Variants in TOM1 observed in about 807,000 individuals in gnomAD.
TOM1 encodes the protein target of Myb protein 1.
In TOM1, 38 loss-of-function variants were observed where a neutral mutation model predicts 61.3. The observed-to-expected ratio is 0.62, with a 90% CI of 0.48 to 0.81. TOM1 has a LOEUF of 0.81. Ranked by LOEUF, TOM1 falls within the 40% of genes least tolerant of loss-of-function variation. The probability of loss-of-function intolerance (pLI) is 0.00; values close to 1 mark genes in which losing one functional copy is unlikely to be tolerated. For synonymous variants in TOM1, 270 were observed against 268.8 expected (o/e 1.00, Z -0.04); for missense variants, 591 against 659.6 (o/e 0.90, Z 1.14).
intron 12 of TOM1, among the ~76,000 whole-genome samples, chr22:35,342,389 A>G (rs1929947528): frequency 6.6e-6 from 1 of 151,818 alleles, no homozygotes; most frequent in South Asian, 2.1e-4. Flanking sequence ...GTCTCCCTCC[A>G]CTCTGGGGCC....
intron 12 of TOM1, among the ~76,000 whole-genome samples, chr22:35,343,188 T>TA (rs1930072193): frequency 1.7e-5 from 1 of 57,494 alleles, no homozygotes; most frequent in Admixed American, 2.3e-4. Flanking sequence ...ACACCACACC[T>TA]CCACTCATAC....
intron 3 of TOM1, 146 bp downstream of exon 3, chr22:35,322,183 A>G (rs1927853671): frequency 1.5e-6 from 1 of 669,802 alleles, no homozygotes; most frequent in South Asian, 1.9e-5. Context: ...TCCTGTCTAC[A>G]CTGCAGGCGG....
At chr22:35,343,259 A>ACACAC (rs1930090430) in intron 12 of TOM1, among the ~76,000 whole-genome samples, 1 of 130,796 alleles carries the variant, frequency 7.6e-6, no homozygotes, top group African/African-American at 3.0e-5. Context: ...ACACACCTCC[A>ACACAC]CACACCTCCA....
intron 2 of TOM1, 141 bp from the exon 3 acceptor site, chr22:35,321,818 G>A (rs1218241196): frequency 6.3e-6 from 5 of 797,512 alleles, no homozygotes; most frequent in Non-Finnish European, 1.1e-5. Context: ...ATTCTGATGT[G>A]ATCAGAACCT....
chr22:35,305,059 C>A (rs929753551), intron 1 of TOM1, among the ~76,000 whole-genome samples: 2 of 152,310 alleles, frequency 1.3e-5, no homozygotes, highest in South Asian at 2.1e-4. Context: ...AAAAGCCAAG[C>A]CGGGGGAGCC....
intron 11 of TOM1, among the ~76,000 whole-genome samples, chr22:35,337,087 C>T (rs931998297): frequency 6.6e-5 from 10 of 152,126 alleles, no homozygotes; most frequent in East Asian, 3.9e-4. Flanking sequence ...CAGGCGCCCA[C>T]CACCACACCT....
intron 13 of TOM1, 76 bp from the exon 14 acceptor site, chr22:35,346,854 C>A: frequency 7.1e-7 from 1 of 1,411,782 alleles, no homozygotes; most frequent in Non-Finnish European, 9.9e-7. Context: ...GGGGCCCGAG[C>A]TGCAGCACCA....
chr22:35,311,628 C>T (rs1200507673), intron 1 of TOM1, among the ~76,000 whole-genome samples: 1 of 152,166 alleles, frequency 6.6e-6, no homozygotes, highest in African/African-American at 2.4e-5. Flanking sequence ...GAAGGTGGGC[C>T]CCAGAAGGTC....
chr22:35,333,360 G>A, intron 9 of TOM1, 44 bp from the exon 10 acceptor site: 9 of 1,571,684 alleles, frequency 5.7e-6, no homozygotes, highest in Non-Finnish European at 7.9e-6. Context: ...AAGGAACGAA[G>A]CTGCAGACAG....
intron 1 of TOM1, 69 bp from the exon 2 acceptor site, chr22:35,317,808 C>G: frequency 8.2e-7 from 1 of 1,222,556 alleles, no homozygotes. Context: ...CCCCTCCTCT[C>G]CCACCCACGG....
At chr22:35,331,511 C>T in intron 8 of TOM1, 1 of 324,998 alleles carries the variant, frequency 3.1e-6, no homozygotes, top group South Asian at 2.4e-5. Context: ...GGAGAGGGCC[C>T]TTTGATGGCA....
Position 35,347,038 on chromosome 22 carries a change from C to G in TOM1, c.1325-17C>G, listed in dbSNP as rs746242930. On this transcript the variant is annotated splice_polypyrimidine_tract_variant and intron_variant, in intron 14 of 14. Coordinates refer to ENST00000449058, the MANE Select transcript of TOM1 (RefSeq NM_005488.3). ...TCTGGCCTCAGGGCCTACCCTCACC[C>G]TCTCCCCTTCCTCTAGAATTTGACA... The G allele has an allele frequency of 3.1e-6, 5 of 1,610,650 alleles. No homozygotes were observed. The highest frequency in any genetic ancestry group is 4.2e-6 in the Non-Finnish European group (5 of 1,178,116).
At chr22:35,312,811 C>T (rs1327303941) in intron 1 of TOM1, among the ~76,000 whole-genome samples, 2 of 152,170 alleles carry the variant, frequency 1.3e-5, no homozygotes, top group South Asian at 2.1e-4. Flanking sequence ...CTGTGGCTGA[C>T]GCCAGCCCCT....
chr22:35,333,793 T>TAAAA (rs1929044744), intron 10 of TOM1, among the ~76,000 whole-genome samples: 1 of 152,140 alleles, frequency 6.6e-6, no homozygotes, highest in Non-Finnish European at 1.5e-5. Context: ...GCAAGTTCCT[T>TAAAA]AAACCTCCTG....
intron 9 of TOM1, 35 bp from the exon 10 acceptor site, chr22:35,333,369 A>G: frequency 1.9e-6 from 3 of 1,593,736 alleles, no homozygotes; most frequent in Non-Finnish European, 2.6e-6. Context: ...AGCTGCAGAC[A>G]GCGGGGATGA....
chr22:35,309,407 G>A (rs1484645203), intron 1 of TOM1, among the ~76,000 whole-genome samples: 4 of 152,156 alleles, frequency 2.6e-5, no homozygotes, highest in Non-Finnish European at 5.9e-5. Context: ...ACTTTGGGAG[G>A]CCAAGACAGG....
At chr22:35,326,978 T>C (rs1256843903) in intron 6 of TOM1, among the ~76,000 whole-genome samples, 1 of 152,198 alleles carries the variant, frequency 6.6e-6, no homozygotes, top group African/African-American at 2.4e-5. Flanking sequence ...TGTTAGCTGC[T>C]GTGTTAGACC....
In TOM1 at chr22:35,323,671, A is replaced by C; in HGVS notation, c.501+41A>C. On this transcript the variant is annotated intron_variant, in intron 5 of 14. Transcript: ENST00000449058. This position sits in a 1 kb window ranked among gnomAD's most constrained non-coding sequence, Gnocchi z 4.2. ...TACCGGGAACCAAGGGAAGGGAGGCAGGACTCATCCCCAGAGACATCACCA... is the reference window on the plus strand; with the variant it reads ...TACCGGGAACCAAGGGAAGGGAGGCCGGACTCATCCCCAGAGACATCACCA... The C allele has an allele frequency of 6.2e-7, 1 of 1,613,682 alleles. No individual in the cohort carries two copies. Among genetic ancestry groups the C allele is most frequent in the Non-Finnish European group, 8.5e-7 (1 of 1,179,638 alleles).
intron 6 of TOM1, among the ~76,000 whole-genome samples, chr22:35,325,399 T>G (rs1407637057): frequency 6.6e-6 from 1 of 152,158 alleles, no homozygotes; most frequent in Non-Finnish European, 1.5e-5. Flanking sequence ...ACTAGAAAAT[T>G]TTGCTAACTG....
Sources: allele counts gnomAD v4.1 joint callset (sites outside exome capture counted in the v4.1 genomes callset), GRCh38; gene constraint gnomAD v4.1.1; non-coding constraint Gnocchi (gnomAD v3.1); transcripts MANE v1.5; gene names NCBI Gene and HGNC (gene_info 2026-07-23, HGNC 2026-07-21).